KYNU: variants seen among roughly 807,000 people sequenced by gnomAD.
The protein encoded by KYNU is kynureninase, also known as L-kynurenine hydrolase.
A neutral mutation model predicts 59.2 loss-of-function variants in KYNU; 54 were observed. The ratio of observed to expected loss-of-function variants is 0.91; its 90% CI spans 0.73 to 1.14. The LOEUF (loss-of-function observed/expected upper bound fraction) is 1.14. KYNU is among the 50% of genes most tolerant of loss of function. The pLI is 0.00. For missense variants in KYNU, 567 were observed against 554.4 expected (o/e 1.02, Z -0.23); for synonymous variants, 177 against 192.0 (o/e 0.92, Z 0.65).
chr2:142,916,400 T>A (rs901806025), intron 2 of KYNU, among the ~76,000 whole-genome samples: 3 of 152,224 alleles, frequency 2.0e-5, no homozygotes, highest in African/African-American at 4.8e-5. Context: ...ATGGCTTTTT[T>A]AATCCTATCA....
At chr2:142,922,719 C>A (rs1682923128) in intron 3 of KYNU, among the ~76,000 whole-genome samples, 1 of 152,080 alleles carries the variant, frequency 6.6e-6, no homozygotes, top group Non-Finnish European at 1.5e-5. Context: ...GATTTTTTGT[C>A]ATAATGCAGC....
At chr2:142,938,891 C>T (rs952112911) in intron 4 of KYNU, among the ~76,000 whole-genome samples, 1 of 151,672 alleles carries the variant, frequency 6.6e-6, no homozygotes, top group African/African-American at 2.4e-5. Flanking sequence ...GAGGCCAAAG[C>T]GAGAGGATCA....
chr2:143,033,911 G>A (rs1226439227), intron 12 of KYNU, among the ~76,000 whole-genome samples: 1 of 151,904 alleles, frequency 6.6e-6, no homozygotes, highest in Non-Finnish European at 1.5e-5. Flanking sequence ...TTTTTAAATT[G>A]GGACTTCTAT....
rs146612634 is a variant in KYNU, at chr2:143,025,454, C to T, written c.903-4173C>T. Among the ~76,000 whole-genome samples, 36 of 152,188 alleles carry T rather than the reference C, an allele frequency of 2.4e-4. 2 individuals are homozygous for T. The East Asian group carries it at 6.8e-3, about 29-fold the overall frequency. On this transcript the variant is annotated intron_variant, in intron 10 of 13. Transcript: ENST00000264170. ...AGATTTTTCATTTGCTCACTACTTC[C>T]ATCCCTTAGGGGTCCTGTTGATTCT...
chr2:143,026,618 C>A (rs1686572301), intron 10 of KYNU, among the ~76,000 whole-genome samples: 1 of 152,222 alleles, frequency 6.6e-6, no homozygotes, highest in Non-Finnish European at 1.5e-5. Flanking sequence ...TAGGAACTGA[C>A]CCCACACTTT....
intron 2 of KYNU, among the ~76,000 whole-genome samples, chr2:142,912,367 ATTTCTTTTTT>A (rs1682507438): frequency 1.1e-5 from 1 of 92,016 alleles, no homozygotes; most frequent in African/African-American, 4.0e-5. Flanking sequence ...GATCTTTTGT[ATTTCTTTTTT>A]TTTTTTTTTT....
In KYNU at chr2:143,044,136, T is replaced by G. The variant is rs1345075921; in HGVS notation, c.*1964T>G. 6.6e-6 allele frequency: 1 copy of G among 152,188 alleles called. No homozygotes were observed. Among genetic ancestry groups the G allele is most frequent in the African/African-American group, 2.4e-5 (1 of 41,448 alleles). The allele number at this position is 152,188 out of a possible 1,614,324, so 9.4% of individuals were successfully genotyped here. A position where few individuals can be genotyped will look rare whatever the true frequency, so the allele number is the denominator to read the frequency against. On this transcript the variant is annotated 3_prime_UTR_variant, in exon 14 of 14. Transcript: ENST00000264170. ...TTGCTGAGAATGATGGTTTCCAGCT[T>G]CATCCATGTCCCTGCAAAGGACATG...
chr2:142,904,040 A>G (rs542319768), intron 2 of KYNU, among the ~76,000 whole-genome samples: 21 of 152,264 alleles, frequency 1.4e-4, no homozygotes, highest in Admixed American at 1.3e-3. Flanking sequence ...CAAGTTCAAT[A>G]GGGTTTCTAA....
rs1163491660 is a variant in KYNU at position 142,985,940 on chromosome 2, C to T, written c.829-8C>T. The stretch of plus-strand genomic sequence containing the variant: ...AAACCCACATAATTTAATTTATTTT[C>T]AATCTAGTATTTAAATGCAGGAGCA... On this transcript the variant is annotated splice_polypyrimidine_tract_variant and splice_region_variant and intron_variant, in intron 9 of 13. Coordinates refer to ENST00000264170, the MANE Select transcript of KYNU (RefSeq NM_003937.3). 5 of 1,581,680 alleles carry T rather than the reference C, an allele frequency of 3.2e-6. No individual in the cohort carries two copies. The highest frequency in any genetic ancestry group is 4.3e-6 in the Non-Finnish European group (5 of 1,152,112).
intron 8 of KYNU, among the ~76,000 whole-genome samples, chr2:142,982,742 A>G (rs924542560): frequency 2.0e-5 from 3 of 152,116 alleles, no homozygotes; most frequent in African/African-American, 7.2e-5. Context: ...ATTAAGCACC[A>G]TATAAAACAG....
intron 8 of KYNU, among the ~76,000 whole-genome samples, chr2:142,966,092 A>G (rs1263733131): frequency 6.6e-6 from 1 of 152,180 alleles, no homozygotes; most frequent in Non-Finnish European, 1.5e-5. Flanking sequence ...TGCCTAAATC[A>G]TCTTGAGGTA....
chr2:142,965,766 T>TAG (rs1209802155), intron 8 of KYNU, among the ~76,000 whole-genome samples: 2 of 152,086 alleles, frequency 1.3e-5, no homozygotes, highest in Admixed American at 6.6e-5. Context: ...GGCCCTAAAG[T>TAG]AGAGAGAGAC....
intron 4 of KYNU, among the ~76,000 whole-genome samples, chr2:142,952,393 TTTTA>T (rs879568229): frequency 1.3e-5 from 2 of 152,072 alleles, no homozygotes; most frequent in Non-Finnish European, 2.9e-5. Flanking sequence ...CAAATTTTCT[TTTTA>T]TTTGTTTTTG....
chr2:142,978,011 A>G (rs1684940525), intron 8 of KYNU, among the ~76,000 whole-genome samples: 1 of 152,174 alleles, frequency 6.6e-6, no homozygotes, highest in African/African-American at 2.4e-5. Context: ...TAACACTTGA[A>G]TGAGTTCTGG....
chr2:142,878,927 A>T (rs984400311), intron 1 of KYNU, among the ~76,000 whole-genome samples: 3 of 152,244 alleles, frequency 2.0e-5, no homozygotes, highest in African/African-American at 7.2e-5. Context: ...TAACATTGAC[A>T]TACAGAGCAG....
At chr2:142,942,314 T>G (rs1429816583) in intron 4 of KYNU, among the ~76,000 whole-genome samples, 2 of 152,180 alleles carry the variant, frequency 1.3e-5, no homozygotes, top group African/African-American at 4.8e-5. Flanking sequence ...TGAGAAAAAT[T>G]TGATCAAGTT....
chr2:142,996,664 G>A (rs1198591260), intron 10 of KYNU, among the ~76,000 whole-genome samples: 1 of 152,096 alleles, frequency 6.6e-6, no homozygotes, highest in Non-Finnish European at 1.5e-5. Context: ...TCTTGGGCAG[G>A]GTGATTTTCC....
At chr2:142,980,743 ATG>A (rs2105147695) in intron 8 of KYNU, among the ~76,000 whole-genome samples, 2 of 152,238 alleles carry the variant, frequency 1.3e-5, no homozygotes, top group South Asian at 4.1e-4. Context: ...CTGTGTCAGT[ATG>A]AGTGTGATTG....
chr2:142,991,586 A>G (rs1042681478), intron 10 of KYNU, among the ~76,000 whole-genome samples: 2 of 151,830 alleles, frequency 1.3e-5, no homozygotes, highest in Non-Finnish European at 2.9e-5. Context: ...ATAATTGGCT[A>G]TCTCCTTTGT....
Sources: allele counts gnomAD v4.1 joint callset (sites outside exome capture counted in the v4.1 genomes callset), GRCh38; gene constraint gnomAD v4.1.1; transcripts MANE v1.5; gene names NCBI Gene and HGNC (gene_info 2026-07-23, HGNC 2026-07-21).